The following NPSR1 variants were observed in gnomAD, a reference collection of about 807,000 sequenced individuals.
NPSR1 encodes neuropeptide S receptor 1.
Under a neutral mutation model 46.9 loss-of-function variants are expected in NPSR1, and 48 were observed. The ratio of observed to expected loss-of-function variants is 1.02; its 90% confidence interval spans 0.81 to 1.30. The LOEUF (loss-of-function observed/expected upper bound fraction) is 1.30, where lower values mean the gene tolerates loss of function less well. NPSR1 is among the 50% of genes most tolerant of loss of function. NPSR1 has a pLI of 0.00. For synonymous variants in NPSR1, 176 were observed against 168.1 expected, an observed-to-expected ratio of 1.05 and a Z score of -0.36; for missense variants, 450 against 449.5, an observed-to-expected ratio of 1.00 and a Z score of -0.01.
intron 1 of NPSR1, among the ~76,000 whole-genome samples, chr7:34,668,096 G>A (rs1311477445): frequency 6.6e-6 from 1 of 151,986 alleles, no homozygotes; most frequent in Non-Finnish European, 1.5e-5. Flanking sequence ...CTCTTTTGCT[G>A]GGCTACAGCC....
At chr7:34,822,551 A>G (rs1463680636) in intron 4 of NPSR1, among the ~76,000 whole-genome samples, 1 of 152,266 alleles carries the variant, frequency 6.6e-6, no homozygotes, top group African/African-American at 2.4e-5. Flanking sequence ...CAAAATAATA[A>G]AGAGAAATAT....
intron 3 of NPSR1, among the ~76,000 whole-genome samples, chr7:34,784,268 C>A (rs1252580946): frequency 3.3e-5 from 5 of 152,096 alleles, no homozygotes; most frequent in Non-Finnish European, 5.9e-5. Flanking sequence ...TGCCAGTTTT[C>A]AAAGGGAATG....
chr7:34,734,106 G>C (rs1007803935), intron 2 of NPSR1, among the ~76,000 whole-genome samples: 1 of 152,172 alleles, frequency 6.6e-6, no homozygotes, highest in Non-Finnish European at 1.5e-5. Context: ...GACAACTTAG[G>C]AAACGAATTT....
chr7:34,792,621 ATG>A (rs200693311), intron 3 of NPSR1, among the ~76,000 whole-genome samples: 15,895 of 116,036 alleles, frequency 0.14, 1,406 homozygotes, highest in East Asian at 0.27. Flanking sequence ...ATATGTGTAT[ATG>A]TGTGTGTGTG....
chr7:34,863,914 A>G (rs2128768475), intron 8 of NPSR1, among the ~76,000 whole-genome samples: 1 of 151,904 alleles, frequency 6.6e-6, no homozygotes, highest in East Asian at 1.9e-4. Context: ...TACTATAAAA[A>G]CACATGCACA....
At chr7:34,804,380 A>G (rs1250755345) in intron 3 of NPSR1, among the ~76,000 whole-genome samples, 1 of 152,120 alleles carries the variant, frequency 6.6e-6, no homozygotes, top group Non-Finnish European at 1.5e-5. Flanking sequence ...TTTAAAAATC[A>G]ATTAATATAA....
intron 3 of NPSR1, among the ~76,000 whole-genome samples, chr7:34,809,478 T>G (rs1263725440): frequency 6.7e-6 from 1 of 148,756 alleles, no homozygotes; most frequent in Non-Finnish European, 1.5e-5. Context: ...TTTTTTTTTT[T>G]TTTGAGACGG....
At chr7:34,792,738 C>T (rs2128744642) in intron 3 of NPSR1, among the ~76,000 whole-genome samples, 2 of 69,634 alleles carry the variant, frequency 2.9e-5, no homozygotes, top group East Asian at 5.4e-4. Flanking sequence ...TATATATTAG[C>T]CAGGCATGGT....
At chr7:34,707,617 T>C (rs1475457570) in intron 2 of NPSR1, among the ~76,000 whole-genome samples, 1 of 152,224 alleles carries the variant, frequency 6.6e-6, no homozygotes, top group African/African-American at 2.4e-5. Context: ...TGGATTTGAT[T>C]ACAAATTACA....
chr7:34,802,177 G>C (rs1214773550), intron 3 of NPSR1, among the ~76,000 whole-genome samples: 3 of 150,292 alleles, frequency 2.0e-5, no homozygotes, highest in Non-Finnish European at 4.4e-5. Context: ...TCCCCATCAA[G>C]CTACAAATGA....
intron 8 of NPSR1, among the ~76,000 whole-genome samples, chr7:34,876,412 G>A (rs532744824): frequency 3.0e-4 from 45 of 152,276 alleles, no homozygotes; most frequent in African/African-American, 1.0e-3. Context: ...TGAAGCATAG[G>A]AAAGTACTTA....
Position 34,699,671 on chromosome 7 carries a change from T to C in NPSR1, c.280+14987T>C, listed in dbSNP as rs372799447. Among the ~76,000 whole-genome samples, 22 of 152,330 alleles carry C rather than the reference T, an allele frequency of 1.4e-4. No individual in the cohort carries two copies. The South Asian group carries it at 4.6e-3, about 32-fold the overall frequency. ...AAAGAGAGAGAAACAGCAAGTTATG[T>C]GCCGTCTCTTCTTGTAGGCTCACTA... On this transcript the variant is annotated intron_variant, in intron 2 of 8. Coordinates refer to ENST00000360581, the MANE Select transcript of NPSR1 (RefSeq NM_207172.2).
chr7:34,785,850 G>T (rs1203076745), intron 3 of NPSR1, among the ~76,000 whole-genome samples: 1 of 152,020 alleles, frequency 6.6e-6, no homozygotes, highest in African/African-American at 2.4e-5. Flanking sequence ...TGTCTAAAAA[G>T]TATACATGTT....
chr7:34,867,998 C>T (rs112344775), intron 8 of NPSR1, among the ~76,000 whole-genome samples: 10,028 of 151,822 alleles, frequency 0.066, 503 homozygotes, highest in Middle Eastern at 0.19. Flanking sequence ...ATCTGAGTCT[C>T]CCCAAAAACA....
chr7:34,809,066 A>T (rs1344254042), intron 3 of NPSR1, among the ~76,000 whole-genome samples: 2 of 152,062 alleles, frequency 1.3e-5, no homozygotes, highest in Non-Finnish European at 1.5e-5. Flanking sequence ...CAGAGCCCCA[A>T]GATCCTTATA....
At chr7:34,809,340 T>G (rs1048621726) in intron 3 of NPSR1, among the ~76,000 whole-genome samples, 6 of 152,116 alleles carry the variant, frequency 3.9e-5, no homozygotes, top group Non-Finnish European at 8.8e-5. Flanking sequence ...GCCTTCAATT[T>G]CTTTTTTTAA....
At chr7:34,769,321 C>T (rs1250229882) in intron 2 of NPSR1, among the ~76,000 whole-genome samples, 1 of 152,114 alleles carries the variant, frequency 6.6e-6, no homozygotes, top group African/African-American at 2.4e-5. Context: ...TGCATAGTTT[C>T]CTAATTAAAT....
chr7:34,865,380 G>C (rs1241374176), intron 8 of NPSR1, among the ~76,000 whole-genome samples: 1 of 151,628 alleles, frequency 6.6e-6, no homozygotes, highest in Non-Finnish European at 1.5e-5. Context: ...AGAAACTTCT[G>C]ACCCTATGGA....
In NPSR1 at chr7:34,848,334, A is replaced by G; in HGVS notation, c.845-149A>G. 5.8e-6 allele frequency: 4 copies of G among 693,568 alleles called. No homozygotes were observed. The East Asian group carries it at 9.9e-5, about 17-fold the overall frequency. The allele number at this position is 693,568 out of a possible 1,614,324, so 43.0% of individuals were successfully genotyped here. A position where few individuals can be genotyped will look rare whatever the true frequency, so the allele number is the denominator to read the frequency against. ...GTGTATGTGTTTAAGTGAATATGAC[A>G]TCAATGCTCCAAACAACATCAAACT... is the stretch of plus-strand genomic sequence containing the variant. On this transcript the variant is annotated intron_variant, in intron 7 of 8. Coordinates refer to ENST00000360581, the MANE Select transcript of NPSR1 (RefSeq NM_207172.2).
Sources: allele counts gnomAD v4.1 joint callset (sites outside exome capture counted in the v4.1 genomes callset), GRCh38; gene constraint gnomAD v4.1.1; transcripts MANE v1.5; gene names NCBI Gene and HGNC (gene_info 2026-07-23, HGNC 2026-07-21).